Variants in NRXN1 observed in about 807,000 individuals in gnomAD.
NRXN1 encodes the protein neurexin 1.
Under a neutral mutation model 150.9 loss-of-function variants are expected in NRXN1, and 39 were observed. The ratio of observed to expected loss-of-function variants is 0.26; its 90% CI spans 0.20 to 0.34. NRXN1 has a LOEUF of 0.34. Among genes scored for constraint, NRXN1 ranks in the 10% least tolerant of loss-of-function variants. The pLI is 1.00. For synonymous variants in NRXN1, 924 were observed against 757.0 expected (o/e 1.22, Z -3.62); for missense variants, 1,815 against 1,949.9 (o/e 0.93, Z 1.30).
intron 21 of NRXN1, among the ~76,000 whole-genome samples, chr2:49,998,046 C>T (rs1004259043): frequency 3.3e-5 from 5 of 152,140 alleles, no homozygotes; most frequent in African/African-American, 1.2e-4. Flanking sequence ...CCTTTCCCAA[C>T]AGAAATGCCA....
At chr2:50,629,055 T>C (rs1339354761) in intron 5 of NRXN1, among the ~76,000 whole-genome samples, 1 of 151,710 alleles carries the variant, frequency 6.6e-6, no homozygotes, top group East Asian at 1.9e-4. Flanking sequence ...TTTTGTGAAA[T>C]TGTTTGGCAT....
At chr2:50,955,108 A>G (rs569515572) in intron 2 of NRXN1, among the ~76,000 whole-genome samples, 30 of 152,260 alleles carry the variant, frequency 2.0e-4, no homozygotes, top group Non-Finnish European at 3.5e-4. Context: ...ACGCACACAC[A>G]AACTCTTACA....
At chr2:50,752,624 T>A (rs1462691470) in intron 5 of NRXN1, among the ~76,000 whole-genome samples, 1 of 151,824 alleles carries the variant, frequency 6.6e-6, no homozygotes, top group South Asian at 2.1e-4. Context: ...AAAGCTTTCA[T>A]TAATTTAAAT....
chr2:50,817,233 T>C (rs1669064379), intron 5 of NRXN1, among the ~76,000 whole-genome samples: 2 of 152,094 alleles, frequency 1.3e-5, no homozygotes, highest in South Asian at 4.1e-4. Flanking sequence ...CTGTGAATAA[T>C]TATACATCAA....
At chr2:50,400,826 C>T (rs2082344836) in intron 17 of NRXN1, among the ~76,000 whole-genome samples, 1 of 152,114 alleles carries the variant, frequency 6.6e-6, no homozygotes, top group Non-Finnish European at 1.5e-5. Flanking sequence ...TTGGTAGAAA[C>T]TGAAGATATG....
chr2:51,030,355 G>A (rs1395858542), intron 1 of NRXN1, among the ~76,000 whole-genome samples: 1 of 151,588 alleles, frequency 6.6e-6, no homozygotes, highest in African/African-American at 2.4e-5. Flanking sequence ...TCCCTTACAA[G>A]CTGAAACTAG....
chr2:50,963,601 C>T (rs1693553319), intron 2 of NRXN1, among the ~76,000 whole-genome samples: 1 of 151,644 alleles, frequency 6.6e-6, no homozygotes, highest in Non-Finnish European at 1.5e-5. Flanking sequence ...CTTCAGCAGT[C>T]ATTATTCATG....
At chr2:50,122,297 G>A (rs1050483096) in intron 18 of NRXN1, among the ~76,000 whole-genome samples, 4 of 152,236 alleles carry the variant, frequency 2.6e-5, no homozygotes, top group African/African-American at 9.6e-5. Flanking sequence ...ACCAGAGGCT[G>A]AAAGATGTCT....
intron 5 of NRXN1, among the ~76,000 whole-genome samples, chr2:50,765,176 T>G (rs1244451779): frequency 6.6e-6 from 1 of 152,014 alleles, no homozygotes; most frequent in Non-Finnish European, 1.5e-5. Flanking sequence ...ATACATAATG[T>G]GAAGGGGGAA....
chr2:50,049,650 T>C (rs1221524465), intron 21 of NRXN1, among the ~76,000 whole-genome samples: 1 of 152,146 alleles, frequency 6.6e-6, no homozygotes, highest in African/African-American at 2.4e-5. Context: ...ACAAGCTTGA[T>C]CGTAAAAGAA....
intron 5 of NRXN1, among the ~76,000 whole-genome samples, chr2:50,881,696 A>T (rs1277290124): frequency 6.6e-6 from 1 of 151,866 alleles, no homozygotes; most frequent in East Asian, 2.0e-4. Flanking sequence ...AGGAGGTTTA[A>T]ATCTATGTGC....
chr2:50,044,503 C>T (rs974952286), intron 21 of NRXN1, among the ~76,000 whole-genome samples: 3 of 152,196 alleles, frequency 2.0e-5, no homozygotes, highest in Admixed American at 1.3e-4. Context: ...ATTGCCAACA[C>T]TTAAGACGTG....
chr2:50,615,227 T>C (rs754035171), intron 8 of NRXN1: 2 of 152,130 alleles, frequency 1.3e-5, no homozygotes, highest in Non-Finnish European at 2.9e-5. Flanking sequence ...CTAGAATACT[T>C]CCTTAGGCTT....
intron 18 of NRXN1, among the ~76,000 whole-genome samples, chr2:50,180,407 T>C (rs1046667949): frequency 6.6e-5 from 10 of 152,128 alleles, no homozygotes; most frequent in Non-Finnish European, 1.3e-4. Context: ...TGTTCCAGCA[T>C]GTATAATCCC....
At chr2:50,812,320 T>A (rs540084212) in intron 5 of NRXN1, among the ~76,000 whole-genome samples, 1 of 152,296 alleles carries the variant, frequency 6.6e-6, no homozygotes, top group South Asian at 2.1e-4. Context: ...AAATAATATC[T>A]TTGCGGTTAC....
intron 17 of NRXN1, among the ~76,000 whole-genome samples, chr2:50,277,264 A>G (rs747351864): frequency 5.3e-5 from 8 of 152,192 alleles, no homozygotes; most frequent in Non-Finnish European, 8.8e-5. Flanking sequence ...TTTACTTTAA[A>G]TAAGTAAATA....
intron 19 of NRXN1, among the ~76,000 whole-genome samples, chr2:50,065,373 A>C (rs1695207360): frequency 6.6e-6 from 1 of 152,134 alleles, no homozygotes; most frequent in Admixed American, 6.6e-5. Context: ...GTTATAAAGT[A>C]ATATCTCTTA....
intron 22 of NRXN1, chr2:49,926,287 C>T (rs1669094978): frequency 2.5e-6 from 1 of 398,322 alleles, no homozygotes. Context: ...AAGCATGTTA[C>T]CTTAAAGGAC....
At chr2:50,925,250 T>TAAAAA (rs1686689570) in intron 3 of NRXN1, among the ~76,000 whole-genome samples, 3 of 151,826 alleles carry the variant, frequency 2.0e-5, no homozygotes, top group Non-Finnish European at 4.4e-5. Context: ...GAAATATGTT[T>TAAAAA]TAATTTGCTG....
Sources: gnomAD v4.1 joint callset for allele counts (sites outside exome capture counted in the v4.1 genomes callset) on GRCh38, gnomAD v4.1.1 for gene constraint, MANE v1.5 for transcripts, NCBI Gene and HGNC (gene_info 2026-07-23, HGNC 2026-07-21) for gene names.